SLC37A3: variants seen among roughly 807,000 people sequenced by gnomAD.
SLC37A3 encodes the protein sugar phosphate exchanger 3.
A neutral mutation model predicts 67.1 loss-of-function variants in SLC37A3; 51 were observed. The observed-to-expected ratio is 0.76, with a 90% CI of 0.61 to 0.96. The LOEUF (loss-of-function observed/expected upper bound fraction) is 0.96. Ranked by LOEUF, SLC37A3 falls within the 40% of genes least tolerant of loss-of-function variation. SLC37A3 has a pLI of 0.00. For missense variants in SLC37A3, 508 were observed against 603.0 expected (o/e 0.84, Z 1.65); for synonymous variants, 214 against 231.4 (o/e 0.92, Z 0.68).
chr7:140,345,955 C>G lies in SLC37A3; in HGVS notation c.1040G>C (p.Gly347Ala). ...VGGIIGGTLQ[G>A]FISDVLQKRA... ...CTTCTGTAGTACATCAGAGATGAAG[C>G]CTTGCAAAGTTCCACCTTCAAGCAG... Residue 347 changes from glycine (G) to alanine (A), a missense_variant, in exon 11 of 15, where the codon GGC (glycine) becomes GCC (alanine). Transcript: ENST00000326232. 2 of 1,613,694 alleles carry G rather than the reference C, an allele frequency of 1.2e-6. No individual in the cohort carries two copies. The highest frequency in any genetic ancestry group is 2.2e-5 in the East Asian group (1 of 44,864).
chr7:140,359,096 C>T (rs112572881), intron 5 of SLC37A3, among the ~76,000 whole-genome samples: 3,510 of 152,286 alleles, frequency 0.023, 55 homozygotes, highest in Non-Finnish European at 0.036. Context: ...GTAATCTCAG[C>T]ACTTTGGGAG....
At chr7:140,373,326 G>A (rs918503648) in intron 3 of SLC37A3, among the ~76,000 whole-genome samples, 18 of 152,136 alleles carry the variant, frequency 1.2e-4, no homozygotes, top group African/African-American at 4.3e-4. Flanking sequence ...AAAGCAGCTG[G>A]AACATATTTC....
intron 13 of SLC37A3, among the ~76,000 whole-genome samples, chr7:140,339,265 T>TG (rs952080072): frequency 6.1e-5 from 3 of 48,874 alleles, no homozygotes; most frequent in Non-Finnish European, 1.5e-4. Context: ...CCCAGTTTTG[T>TG]TTTTTTTTTT....
chr7:140,335,112 A>C lies in SLC37A3; in HGVS notation c.*300T>G. The C allele has an allele frequency of 9.6e-7, 1 of 1,044,426 alleles. No homozygotes were observed. The highest frequency in any genetic ancestry group is 1.4e-6 in the Non-Finnish European group (1 of 736,406). 64.7% of individuals were successfully genotyped at this position (1,044,426 alleles called of 1,614,324 possible). Reference sequence around the variant, plus strand: ...ACAACAGTTAAGGTTAAAACGCTAAACCTCAATAGGCCAAACAAAGACGCG... The same window carrying C: ...ACAACAGTTAAGGTTAAAACGCTAACCCTCAATAGGCCAAACAAAGACGCG... On this transcript the variant is annotated 3_prime_UTR_variant, in exon 15 of 15. Transcript: ENST00000326232.
intron 14 of SLC37A3, among the ~76,000 whole-genome samples, chr7:140,336,629 T>C (rs1188175964): frequency 6.6e-6 from 1 of 152,166 alleles, no homozygotes. Context: ...TACATTGTAA[T>C]TTACTTCAGA....
intron 13 of SLC37A3, among the ~76,000 whole-genome samples, chr7:140,342,556 C>A (rs1349759683): frequency 6.6e-6 from 1 of 152,118 alleles, no homozygotes; most frequent in East Asian, 1.9e-4. Flanking sequence ...ACAGATGACT[C>A]TCAGATCCAT....
chr7:140,368,409 A>C (rs545772331), intron 4 of SLC37A3, among the ~76,000 whole-genome samples: 1 of 152,110 alleles, frequency 6.6e-6, no homozygotes, highest in East Asian at 2.0e-4. Context: ...CTACTAAAAA[A>C]ACACAAAATT....
rs371544869 is a variant in SLC37A3, at chr7:140,370,519, G to A, written c.199-837C>T. ...TGGGGTCAGGCCTGGTTAGTACTTG[G>A]ATGGGAGAAATTATGTCTAACTCCA... On this transcript the variant is annotated intron_variant, in intron 3 of 14. Coordinates refer to ENST00000326232, the MANE Select transcript of SLC37A3 (RefSeq NM_207113.3). 3.9e-5 allele frequency: 6 copies of A among 152,238 alleles called. No homozygotes were observed. The East Asian group carries it at 1.2e-3, about 29-fold the overall frequency. The allele number at this position is 152,238 out of a possible 1,614,324, so 9.4% of individuals were successfully genotyped here.
At chr7:140,350,245 G>A (rs185989292) in intron 9 of SLC37A3, among the ~76,000 whole-genome samples, 8 of 152,270 alleles carry the variant, frequency 5.3e-5, no homozygotes, top group African/African-American at 1.2e-4. Flanking sequence ...GACGGGTTGC[G>A]TGACTCACCC....
chr7:140,351,495 G>T (rs577466422), intron 8 of SLC37A3, 44 bp from the exon 9 acceptor site: 2 of 1,573,492 alleles, frequency 1.3e-6, no homozygotes, highest in Non-Finnish European at 1.7e-6. Context: ...TGCCTACCAC[G>T]TGTGAAGGGC....
chr7:140,339,562 C>T (rs1796275771), intron 13 of SLC37A3, among the ~76,000 whole-genome samples: 1 of 149,762 alleles, frequency 6.7e-6, no homozygotes, highest in Non-Finnish European at 1.5e-5. Flanking sequence ...CGCCCGGCCC[C>T]CAGTTTTCAA....
chr7:140,361,522 CCCCTCCCCCTCCCT>C (rs1797284201), intron 5 of SLC37A3, among the ~76,000 whole-genome samples: 3 of 78,328 alleles, frequency 3.8e-5, no homozygotes, highest in African/African-American at 2.1e-4. Context: ...CCTCCCCCTC[CCCCTCCCCCTCCCT>C]CTCTCCCTCT....
chr7:140,394,061 C>T (rs1165791880), intron 1 of SLC37A3, among the ~76,000 whole-genome samples: 5 of 152,076 alleles, frequency 3.3e-5, no homozygotes, highest in African/African-American at 1.2e-4. Flanking sequence ...GTCCCAGCTA[C>T]TCGAGAGGTG....
intron 5 of SLC37A3, among the ~76,000 whole-genome samples, chr7:140,361,058 G>A (rs568880999): frequency 7.2e-5 from 11 of 152,226 alleles, no homozygotes; most frequent in South Asian, 4.2e-4. Flanking sequence ...GCTCAGAAGC[G>A]GGACTGACAT....
chr7:140,378,063 G>T (rs1798102971), intron 3 of SLC37A3, among the ~76,000 whole-genome samples: 1 of 152,046 alleles, frequency 6.6e-6, no homozygotes, highest in Admixed American at 6.6e-5. Context: ...GGTGGTCTTG[G>T]GAACCCCCAA....
At chr7:140,364,026 G>A (rs1797494014) in intron 5 of SLC37A3, among the ~76,000 whole-genome samples, 1 of 152,204 alleles carries the variant, frequency 6.6e-6, no homozygotes, top group Admixed American at 6.5e-5. Flanking sequence ...GGAGGCCAAG[G>A]CAGGAGGATC....
chr7:140,346,868 G>A (rs1796582118), intron 10 of SLC37A3, among the ~76,000 whole-genome samples: 2 of 152,012 alleles, frequency 1.3e-5, no homozygotes, highest in African/African-American at 4.8e-5. Flanking sequence ...AACCCAGGAG[G>A]CTGAGGCTAC....
intron 1 of SLC37A3, among the ~76,000 whole-genome samples, chr7:140,386,316 C>T (rs1304727416): frequency 1.3e-5 from 2 of 152,052 alleles, no homozygotes; most frequent in Non-Finnish European, 2.9e-5. Flanking sequence ...GGAATCCTTC[C>T]GCCTCAGCCT....
At chr7:140,384,555 TA>T (rs202061188) in intron 1 of SLC37A3, among the ~76,000 whole-genome samples, 15,724 of 141,262 alleles carry the variant, frequency 0.11, 874 homozygotes, top group South Asian at 0.2. Context: ...CTACAAAAAC[TA>T]AAAAAAAAAA....
Sources: gnomAD v4.1 joint callset for allele counts (sites outside exome capture counted in the v4.1 genomes callset) on GRCh38, gnomAD v4.1.1 for gene constraint, MANE v1.5 for transcripts, NCBI Gene and HGNC (gene_info 2026-07-23, HGNC 2026-07-21) for gene names.